The following ATRN variants were observed in gnomAD, a reference collection of about 807,000 sequenced individuals.
ATRN encodes the protein attractin-2.
In ATRN, 54 loss-of-function variants were observed where a neutral mutation model predicts 178.7. That is an observed-to-expected ratio of 0.30 (90% CI 0.24 to 0.38). The LOEUF (loss-of-function observed/expected upper bound fraction) is 0.38, where lower values mean the gene tolerates loss of function less well. Among genes scored for constraint, ATRN ranks in the 10% least tolerant of loss-of-function variants. The pLI is 1.00. For missense variants in ATRN, 1,443 were observed against 1,815.1 expected (o/e 0.79, Z 3.73); for synonymous variants, 636 against 663.0 (o/e 0.96, Z 0.63).
intron 2 of ATRN, among the ~76,000 whole-genome samples, chr20:3,537,513 T>C (rs2085554139): frequency 7.3e-6 from 1 of 136,798 alleles, no homozygotes; most frequent in Non-Finnish European, 1.6e-5. Flanking sequence ...CATTTTTTTA[T>C]TTTATTTTTT....
At chr20:3,598,454 G>A (rs931900515) in intron 22 of ATRN, among the ~76,000 whole-genome samples, 1 of 152,096 alleles carries the variant, frequency 6.6e-6, no homozygotes, top group Non-Finnish European at 1.5e-5. Context: ...AGACAGCAAG[G>A]GAGGGGACAC....
chr20:3,606,013 A>G (rs1318331911), intron 24 of ATRN, among the ~76,000 whole-genome samples: 1 of 152,122 alleles, frequency 6.6e-6, no homozygotes, highest in East Asian at 1.9e-4. Context: ...GAGGACAAAA[A>G]CTATGTTGTA....
Position 3,549,222 on chromosome 20 carries a change from G to C in ATRN, c.996G>C (p.Glu332Asp). 1.9e-6 allele frequency: 3 copies of C among 1,610,652 alleles called. No homozygotes were observed. Among genetic ancestry groups the C allele is most frequent in the Non-Finnish European group, 2.5e-6 (3 of 1,178,806 alleles). Residue 332 changes from glutamate to aspartate, a missense_variant, in exon 6 of 29, where the codon GAG (glutamate) becomes GAC (aspartate). This residue lies in a region of ATRN where 862 missense variants were observed against 972.1 expected (regional missense o/e 0.89). Transcript: ENST00000262919. ...CTAACCAGTCATTTTGGACTCGAGA[G>C]GAATATTCTAACTTAAAGCTCCCCA... Reference protein sequence around the residue: ...VPANQSFWTREEYSNLKLPRA... With the variant: ...VPANQSFWTRDEYSNLKLPRA...
At chr20:3,471,829 C>T (rs1006968642) in intron 1 of ATRN, among the ~76,000 whole-genome samples, 10 of 152,138 alleles carry the variant, frequency 6.6e-5, no homozygotes, top group African/African-American at 2.4e-4. Flanking sequence ...TAAAACTCGG[C>T]GTGTTTCAGC....
At chr20:3,621,631 A>G (rs1373296473) in intron 24 of ATRN, among the ~76,000 whole-genome samples, 4 of 152,186 alleles carry the variant, frequency 2.6e-5, no homozygotes, top group African/African-American at 9.7e-5. Context: ...TCTTCTTTGT[A>G]TTAAAATAGA....
chr20:3,471,073 A>ATGC lies in ATRN; in HGVS notation c.-33_-32insCTG. 6.7e-7 allele frequency: 1 copy of ATGC among 1,484,306 alleles called. No homozygotes were observed. The highest frequency in any genetic ancestry group is 8.9e-7 in the Non-Finnish European group (1 of 1,122,416). The allele number at this position is 1,484,306 out of a possible 1,614,324, so 91.9% of individuals were successfully genotyped here. On this transcript the variant is annotated 5_prime_UTR_variant, in exon 1 of 29. Transcript: ENST00000262919. ...GGAGCCGGCCGTGCGGTGTGTGTGT[A>ATGC]TGTGTTCGCGGGGCGCCGTCTCAGC...
chr20:3,601,431 A>C (rs1229466241), intron 23 of ATRN, among the ~76,000 whole-genome samples: 1 of 152,200 alleles, frequency 6.6e-6, no homozygotes, highest in African/African-American at 2.4e-5. Flanking sequence ...AATAAATGAA[A>C]ACATTTTAAA....
At chr20:3,637,684 G>A (rs1354233328) in intron 26 of ATRN, among the ~76,000 whole-genome samples, 4 of 152,070 alleles carry the variant, frequency 2.6e-5, no homozygotes, top group Non-Finnish European at 5.9e-5. Flanking sequence ...TGTGCTAGGC[G>A]CTGTGCTGTA....
Position 3,650,904 on chromosome 20 carries a change from A to G in ATRN, c.*4057A>G, listed in dbSNP as rs1414255174. 2 of 152,646 alleles carry G rather than the reference A, an allele frequency of 1.3e-5. No individual in the cohort carries two copies. The highest frequency in any genetic ancestry group is 2.1e-4 in the South Asian group (1 of 4,832). 9.5% of individuals were successfully genotyped at this position (152,646 alleles called of 1,614,324 possible). On this transcript the variant is annotated 3_prime_UTR_variant, in exon 29 of 29. Coordinates refer to ENST00000262919, the MANE Select transcript of ATRN (RefSeq NM_139321.3). ...AAATATGGAGTAAGTATTGTAAACT[A>G]TTTCATCGCGGGGATTGTGGGTGTT... is the stretch of plus-strand genomic sequence containing the variant.
Position 3,638,718 on chromosome 20 carries a change from A to G in ATRN, c.3943-110A>G. 1 of 851,678 alleles carries G rather than the reference A, an allele frequency of 1.2e-6. No individual in the cohort carries two copies. Among genetic ancestry groups the G allele is most frequent in the Non-Finnish European group, 1.8e-6 (1 of 549,036 alleles). The allele number at this position is 851,678 out of a possible 1,614,324, so 52.8% of individuals were successfully genotyped here. On this transcript the variant is annotated intron_variant, in intron 26 of 28. Coordinates refer to ENST00000262919, the MANE Select transcript of ATRN (RefSeq NM_139321.3). The surrounding 1 kb of genome is among the most constrained non-coding windows in gnomAD (Gnocchi z 4.5). ...TCAAGTCTAAAAAGTATCATTTTGG[A>G]CTTGATTTGTTTGAATCAGGGAGGA...
At chr20:3,624,704 G>T in intron 25 of ATRN, 132 bp downstream of exon 25, 1 of 762,610 alleles carries the variant, frequency 1.3e-6, no homozygotes, top group Non-Finnish European at 2.1e-6. Context: ...CTTCATATGT[G>T]TTCCTGAAAA....
chr20:3,589,895 G>A (rs1446165652), intron 18 of ATRN, among the ~76,000 whole-genome samples: 1 of 152,180 alleles, frequency 6.6e-6, no homozygotes, highest in Non-Finnish European at 1.5e-5. Flanking sequence ...GGGTGGTAGG[G>A]CCACCTAAAG....
At chr20:3,539,018 C>G (rs1454654108) in intron 2 of ATRN, among the ~76,000 whole-genome samples, 1 of 152,226 alleles carries the variant, frequency 6.6e-6, no homozygotes, top group Non-Finnish European at 1.5e-5. Flanking sequence ...GCCTATCTCC[C>G]TACGACTTTT....
rs143511172 is a variant in ATRN, at chr20:3,563,081, G to A, written c.1632-128G>A. The A allele has an allele frequency of 3.2e-4, 249 of 781,926 alleles. 1 individual carries two copies. In the African/African-American group the frequency reaches 4.2e-3, roughly 13 times the overall value. 48.4% of individuals were successfully genotyped at this position (781,926 alleles called of 1,614,324 possible). A position where few individuals can be genotyped will look rare whatever the true frequency, so the allele number is the denominator to read the frequency against. Reference sequence around the variant, plus strand: ...TGTTGAAAAACTTACTTTTATGTAGGGAAAACTCTGGAAGGATTTGTACAT... The same window carrying A: ...TGTTGAAAAACTTACTTTTATGTAGAGAAAACTCTGGAAGGATTTGTACAT... On this transcript the variant is annotated intron_variant, in intron 9 of 28. Transcript: ENST00000262919.
chr20:3,646,682 C>G (rs1029145654), intron 28 of ATRN, 41 bp from the exon 29 acceptor site: 3 of 1,517,352 alleles, frequency 2.0e-6, no homozygotes, highest in Admixed American at 2.3e-5. Context: ...AAATAAAAGC[C>G]AGCTGCTCCC....
chr20:3,562,208 T>G, intron 8 of ATRN, 68 bp from the exon 9 acceptor site: 1 of 1,367,332 alleles, frequency 7.3e-7, no homozygotes, highest in Non-Finnish European at 1.0e-6. Flanking sequence ...CCCTAAGCTC[T>G]TTGGACATTT....
At chr20:3,637,418 C>T (rs982345063) in intron 26 of ATRN, among the ~76,000 whole-genome samples, 11 of 152,088 alleles carry the variant, frequency 7.2e-5, no homozygotes, top group African/African-American at 2.7e-4. Context: ...AGCATTGCTG[C>T]ATATATTAGT....
At chr20:3,516,516 G>A (rs1198660859) in intron 1 of ATRN, among the ~76,000 whole-genome samples, 1 of 152,106 alleles carries the variant, frequency 6.6e-6, no homozygotes, top group Non-Finnish European at 1.5e-5. Flanking sequence ...TTTTAAAATT[G>A]TTCATTTTAG....
chr20:3,512,789 T>C (rs1360080317), intron 1 of ATRN, among the ~76,000 whole-genome samples: 2 of 152,222 alleles, frequency 1.3e-5, no homozygotes, highest in African/African-American at 4.8e-5. Context: ...GACTTTTTAA[T>C]GATCGCCATT....
Sources: gnomAD v4.1 joint callset for allele counts (sites outside exome capture counted in the v4.1 genomes callset) on GRCh38, gnomAD v4.1.1 for gene constraint, gnomAD v4.1.1 regional missense constraint, Gnocchi (gnomAD v3.1) non-coding constraint, MANE v1.5 for transcripts, NCBI Gene and HGNC (gene_info 2026-07-23, HGNC 2026-07-21) for gene names.